Variants in ZDHHC14 observed in about 807,000 individuals in gnomAD.
ZDHHC14 encodes the protein palmitoyltransferase ZDHHC14.
A neutral mutation model predicts 47.7 loss-of-function variants in ZDHHC14; 16 were observed. The observed-to-expected ratio is 0.34, with a 90% CI of 0.23 to 0.51. ZDHHC14 has a LOEUF of 0.51. ZDHHC14 is among the 20% of genes least tolerant of loss of function. ZDHHC14 has a pLI of 0.97. For synonymous variants in ZDHHC14, 293 were observed against 278.9 expected (o/e 1.05, Z -0.50); for missense variants, 515 against 662.5 (o/e 0.78, Z 2.44).
chr6:157,641,456 A>G (rs1777244470), intron 5 of ZDHHC14, among the ~76,000 whole-genome samples: 2 of 152,192 alleles, frequency 1.3e-5, no homozygotes, highest in Admixed American at 1.3e-4. Flanking sequence ...TTTCTGGATA[A>G]TAGATTGTAC....
intron 1 of ZDHHC14, among the ~76,000 whole-genome samples, chr6:157,520,629 C>T (rs1780878622): frequency 6.6e-6 from 1 of 152,214 alleles, no homozygotes; most frequent in African/African-American, 2.4e-5. Context: ...CCAGCACTAG[C>T]CCTAGCACCT....
chr6:157,540,910 G>GTGTGTGTGTA (rs1284429244), intron 1 of ZDHHC14, among the ~76,000 whole-genome samples: 11 of 122,980 alleles, frequency 8.9e-5, no homozygotes, highest in South Asian at 2.3e-4. Flanking sequence ...GTGTGTGTGT[G>GTGTGTGTGTA]TATATATATA....
chr6:157,641,746 C>A (rs577566834), intron 5 of ZDHHC14, among the ~76,000 whole-genome samples: 2 of 152,270 alleles, frequency 1.3e-5, no homozygotes, highest in South Asian at 4.1e-4. Context: ...TATATCCTTA[C>A]CCCAAAGTTA....
chr6:157,469,597 A>T (rs943456627), intron 1 of ZDHHC14, among the ~76,000 whole-genome samples: 2 of 152,198 alleles, frequency 1.3e-5, no homozygotes, highest in Admixed American at 1.3e-4. Context: ...TCAGCCTGGG[A>T]TTCTGCCCTG....
At chr6:157,601,222 TA>T in intron 3 of ZDHHC14, among the ~76,000 whole-genome samples, 1 of 152,250 alleles carries the variant, frequency 6.6e-6, no homozygotes, top group African/African-American at 2.4e-5. Context: ...AACATTATGT[TA>T]AAAAGGAAAA....
At chr6:157,628,660 C>T in intron 4 of ZDHHC14, 174 bp downstream of exon 4, 1 of 784,492 alleles carries the variant, frequency 1.3e-6, no homozygotes, top group South Asian at 1.8e-5. Flanking sequence ...CCTCCTCCAT[C>T]CCTCCTCCGT....
chr6:157,533,410 GA>G (rs1308859883), intron 1 of ZDHHC14, among the ~76,000 whole-genome samples: 1 of 152,228 alleles, frequency 6.6e-6, no homozygotes, highest in African/African-American at 2.4e-5. Flanking sequence ...CTGCAGTTTG[GA>G]GATTGTGTGC....
At chr6:157,511,391 T>A (rs1158896605) in intron 1 of ZDHHC14, among the ~76,000 whole-genome samples, 3 of 151,448 alleles carry the variant, frequency 2.0e-5, no homozygotes, top group Non-Finnish European at 2.9e-5. Context: ...GAAACTTTTT[T>A]TTTTTTTGAG....
intron 1 of ZDHHC14, among the ~76,000 whole-genome samples, chr6:157,508,362 T>A (rs1001626766): frequency 1.3e-5 from 2 of 152,172 alleles, no homozygotes; most frequent in African/African-American, 2.4e-5. Flanking sequence ...CATTTGGATA[T>A]TGATGTGTTG....
chr6:157,639,918 T>C (rs963681997), intron 5 of ZDHHC14, among the ~76,000 whole-genome samples: 1 of 151,110 alleles, frequency 6.6e-6, no homozygotes, highest in Non-Finnish European at 1.5e-5. Flanking sequence ...TAGAGTGACC[T>C]GAAGGTCCTT....
chr6:157,602,075 C>T (rs541811367), intron 3 of ZDHHC14, among the ~76,000 whole-genome samples: 2 of 151,832 alleles, frequency 1.3e-5, no homozygotes, highest in South Asian at 2.1e-4. Context: ...GGTAGCACAC[C>T]CCTGTAATCC....
intron 1 of ZDHHC14, among the ~76,000 whole-genome samples, chr6:157,411,416 G>C (rs1396062468): frequency 1.3e-5 from 2 of 152,164 alleles, no homozygotes; most frequent in African/African-American, 2.4e-5. Context: ...TGTGTGAGAA[G>C]ATGTCATATA....
At chr6:157,492,558 A>G (rs930568413) in intron 1 of ZDHHC14, among the ~76,000 whole-genome samples, 3 of 152,178 alleles carry the variant, frequency 2.0e-5, no homozygotes, top group Non-Finnish European at 2.9e-5. Flanking sequence ...GGCATTAGAC[A>G]CAGAAGAGGA....
intron 1 of ZDHHC14, among the ~76,000 whole-genome samples, chr6:157,485,711 T>A (rs1159142142): frequency 1.3e-5 from 2 of 150,986 alleles, no homozygotes; most frequent in Admixed American, 1.3e-4. Flanking sequence ...GAAAAAAATC[T>A]ATAAAGAATG....
At chr6:157,467,610 C>A (rs1391723351) in intron 1 of ZDHHC14, among the ~76,000 whole-genome samples, 1 of 151,602 alleles carries the variant, frequency 6.6e-6, no homozygotes, top group African/African-American at 2.4e-5. Context: ...AGTACAGTGA[C>A]ATGATCTTGG....
intron 1 of ZDHHC14, among the ~76,000 whole-genome samples, chr6:157,438,978 G>A (rs1401302807): frequency 6.6e-6 from 1 of 152,172 alleles, no homozygotes; most frequent in Non-Finnish European, 1.5e-5. Context: ...TGCTGAGTTA[G>A]CCACTCCACT....
Position 157,645,743 on chromosome 6 carries a change from G to C in ZDHHC14, c.759G>C (p.Leu253=), listed in dbSNP as rs762588679. 1 of 1,613,910 alleles carries C rather than the reference G, an allele frequency of 6.2e-7. No individual in the cohort carries two copies. Among genetic ancestry groups the C allele is most frequent in the African/African-American group, 1.3e-5 (1 of 75,052 alleles). The change falls in exon 6 of 9, where the codon CTG becomes CTC. Residue 253 remains leucine, a synonymous_variant. Transcript: ENST00000359775. ...NALKDSPASV[L]EAVVCFFSVW... The stretch of plus-strand genomic sequence containing the variant: ...CCTCCTTGACTCGCATCACCGTCCT[G>C]GAGGCTGTGGTGTGCTTCTTCTCTG...
At chr6:157,657,283 A>G (rs758807488) in intron 8 of ZDHHC14, among the ~76,000 whole-genome samples, 2 of 152,026 alleles carry the variant, frequency 1.3e-5, no homozygotes, top group Non-Finnish European at 2.9e-5. Flanking sequence ...CCTGACCTCA[A>G]GCGATCCACC....
intron 8 of ZDHHC14, among the ~76,000 whole-genome samples, chr6:157,659,634 G>A (rs1394123725): frequency 3.9e-5 from 6 of 152,010 alleles, no homozygotes; most frequent in Non-Finnish European, 8.8e-5. Flanking sequence ...AAAGGGTCCC[G>A]AAGCCCTAAC....
Sources: gnomAD v4.1 joint callset for allele counts (sites outside exome capture counted in the v4.1 genomes callset) on GRCh38, gnomAD v4.1.1 for gene constraint, MANE v1.5 for transcripts, NCBI Gene and HGNC (gene_info 2026-07-23, HGNC 2026-07-21) for gene names.